The following KIAA1210 variants were observed in gnomAD, a reference collection of about 807,000 sequenced individuals.
KIAA1210 encodes KIAA1210, also known as acrosomal protein KIAA1210.
In KIAA1210, 48 loss-of-function variants were observed where a neutral mutation model predicts 78.9. The ratio of observed to expected loss-of-function variants is 0.61; its 90% CI spans 0.48 to 0.77. The LOEUF is 0.77. Among genes scored for constraint, KIAA1210 ranks in the 30% least tolerant of loss-of-function variants. The pLI, the probability that KIAA1210 is intolerant of heterozygous loss-of-function variation, is 0.00. For missense variants in KIAA1210, 1,108 were observed against 1,100.0 expected (o/e 1.01, Z -0.10); for synonymous variants, 406 against 404.5 (o/e 1.00, Z -0.04).
intron 1 of KIAA1210, among the ~76,000 whole-genome samples, chrX:119,123,939 G>T (rs992832650): frequency 1.8e-5 from 2 of 111,723 alleles, no homozygotes; most frequent in Non-Finnish European, 3.8e-5. Context: ...GTTTTGGTGG[G>T]GGGGGCGTTG....
intron 2 of KIAA1210, among the ~76,000 whole-genome samples, chrX:119,144,869 A>G (rs1447217630): frequency 8.9e-6 from 1 of 112,047 alleles, no homozygotes; most frequent in African/African-American, 3.2e-5. Context: ...GGCCTAGATG[A>G]CATACTCAAG....
chrX:119,127,087 A>T (rs753832575), intron 1 of KIAA1210, among the ~76,000 whole-genome samples: 212 of 109,397 alleles, frequency 1.9e-3, no homozygotes, highest in African/African-American at 6.9e-3. Context: ...AAAAAAAAAA[A>T]ATATTCAAAA....
chrX:119,119,461 G>A (rs982937829), intron 2 of KIAA1210, among the ~76,000 whole-genome samples: 1 of 112,213 alleles, frequency 8.9e-6, no homozygotes, highest in Non-Finnish European at 1.9e-5. Context: ...AAGAGAGAAA[G>A]AATAAAAAAT....
At chrX:119,083,796 T>G (rs763211228) in intron 10 of KIAA1210, among the ~76,000 whole-genome samples, 4 of 109,793 alleles carry the variant, frequency 3.6e-5, no homozygotes, top group Non-Finnish European at 7.6e-5. Flanking sequence ...AAGACCAGCC[T>G]GGGCAACACA....
chrX:119,128,656 C>CT (rs1209873620), upstream of KIAA1210, among the ~76,000 whole-genome samples: 10 of 111,103 alleles, frequency 9.0e-5, no homozygotes, highest in Admixed American at 2.9e-4. Context: ...TCCCATTATT[C>CT]TTTTTTTATT....
intron 10 of KIAA1210, 109 bp downstream of exon 10, chrX:119,085,274 T>C: frequency 2.8e-6 from 2 of 712,066 alleles, no homozygotes; most frequent in Non-Finnish European, 2.1e-6. Flanking sequence ...CCTTGATTAA[T>C]GTTCCCAAAG....
chrX:119,093,372 C>T lies in KIAA1210; in HGVS notation c.955+295G>A, dbSNP rs757533825. Reference sequence around the variant, plus strand: ...AGGAACTCAGCATGTACGTTAGCCTCGGAGAGGATGAAACAAATTCACAAA... The same window carrying T: ...AGGAACTCAGCATGTACGTTAGCCTTGGAGAGGATGAAACAAATTCACAAA... On this transcript the variant is annotated intron_variant, in intron 8 of 11. Coordinates refer to ENST00000691062, the MANE Select transcript of KIAA1210 (RefSeq NM_001394962.1). Among the ~76,000 whole-genome samples the T allele has an allele frequency of 5.3e-5, 6 of 112,288 alleles. No individual in the cohort carries two copies. The Admixed American group carries it at 5.7e-4, about 11-fold the overall frequency.
intron 2 of KIAA1210, among the ~76,000 whole-genome samples, chrX:119,117,905 G>C (rs765740524): frequency 1.8e-5 from 2 of 111,312 alleles, no homozygotes; most frequent in Admixed American, 1.9e-4. Flanking sequence ...GAGCCACCAC[G>C]CCGGGCCTCT....
chrX:119,150,528 G>A (rs1168466941), exon 1 of KIAA1210: 4 of 1,210,550 alleles, frequency 3.3e-6, no homozygotes, highest in Non-Finnish European at 4.5e-6. Context: ...CGGCCAGGAA[G>A]GAGAGAAGCG....
chrX:119,118,901 C>T (rs1255228657), intron 2 of KIAA1210, among the ~76,000 whole-genome samples: 1 of 112,317 alleles, frequency 8.9e-6, no homozygotes, highest in Non-Finnish European at 1.9e-5. Context: ...AGCTACCGCC[C>T]CTACATCAAG....
chrX:119,093,720 C>T lies in KIAA1210; in HGVS notation c.902G>A (p.Ser301Asn). The change falls in exon 8 of 12, where the codon AGC becomes AAC. Residue 301 changes from serine (S) to asparagine (N), a missense_variant. Ser to Asn is a conservative substitution (Grantham distance 46). Around this residue, in one of 5 missense-constraint regions of KIAA1210, gnomAD observed 672 missense variants for 607.1 expected, o/e 1.11. Transcript: ENST00000691062. ...GTTGATTTCTTTTGGTTTGGTTATG[C>T]TCTTTTCTTCTTCAGAAACCAATGG... ...NLPLVSEEEKSITKPKEINEK... is the reference protein window; with the variant it reads ...NLPLVSEEEKNITKPKEINEK... The T allele has an allele frequency of 6.6e-6, 8 of 1,210,317 alleles. No individual in the cohort carries two copies. Among genetic ancestry groups the T allele is most frequent in the Non-Finnish European group, 8.9e-6 (8 of 894,804 alleles).
intron 2 of KIAA1210, among the ~76,000 whole-genome samples, chrX:119,121,625 C>A (rs1928460170): frequency 8.9e-6 from 1 of 112,201 alleles, no homozygotes; most frequent in South Asian, 3.7e-4. Context: ...ATGGTTGCCT[C>A]TAAGTTGTAT....
intron 3 of KIAA1210, among the ~76,000 whole-genome samples, chrX:119,114,175 T>C (rs141111846): frequency 2.1e-4 from 24 of 111,952 alleles, no homozygotes; most frequent in African/African-American, 7.5e-4. Context: ...CCTGTCATTA[T>C]GAGCCTGTGG....
At chrX:119,141,658 C>A (rs1929052929) in intron 2 of KIAA1210, among the ~76,000 whole-genome samples, 1 of 112,055 alleles carries the variant, frequency 8.9e-6, no homozygotes, top group Non-Finnish European at 1.9e-5. Context: ...TTAATTTTTT[C>A]CCCTGGGGCC....
At position 119,136,910 on chromosome X, in the gene KIAA1210, C is replaced by T. The variant is rs760571185; in HGVS notation, c.410+10563G>A. Among the ~76,000 whole-genome samples, 3 of 111,122 alleles carry T rather than the reference C, an allele frequency of 2.7e-5. No homozygotes were observed. In the Admixed American group the frequency reaches 2.9e-4, roughly 11 times the overall value. On this transcript the variant is annotated intron_variant, in intron 2 of 13. Coordinates refer to the KIAA1210 transcript ENST00000402510. ...CCCAAATCTTTCCTTTTACCCCAGC[C>T]ATGGCATCACCCTCTCTTTCTACCT...
At chrX:119,108,196 T>G in intron 5 of KIAA1210, 141 bp downstream of exon 5, 1 of 522,331 alleles carries the variant, frequency 1.9e-6, no homozygotes, top group Non-Finnish European at 3.2e-6. Context: ...ATACCCACTG[T>G]AGATGAGGAA....
rs919515397 is a variant in KIAA1210 at position 119,135,277 on chromosome X, T to A, written c.411-11625A>T. 3.6e-5 allele frequency among the ~76,000 whole-genome samples: 4 copies of A among 112,244 alleles called. No individual in the cohort carries two copies. In the East Asian group the frequency reaches 1.1e-3, roughly 31 times the overall value. ...GAATCTTCCTTACTGGTCTATTACA[T>A]GACCCGAAAATAGAATAGTTCACCA... On this transcript the variant is annotated intron_variant, in intron 2 of 13. Coordinates refer to the KIAA1210 transcript ENST00000402510.
chrX:119,081,553 T>C (rs764925550), intron 11 of KIAA1210, 49 bp from the exon 12 acceptor site: 2 of 1,096,117 alleles, frequency 1.8e-6, no homozygotes, highest in Middle Eastern at 2.7e-4. Flanking sequence ...CCCAGCGATA[T>C]TGGGGTATGT....
At chrX:119,116,459 C>T (rs746058362) in intron 3 of KIAA1210, 37 bp downstream of exon 3, 16 of 1,192,999 alleles carry the variant, frequency 1.3e-5, no homozygotes, top group Middle Eastern at 5.9e-4. Flanking sequence ...CTGCCTCTTC[C>T]CCTGTCCCCA....
Sources: gnomAD v4.1 joint callset for allele counts (sites outside exome capture counted in the v4.1 genomes callset) on GRCh38, gnomAD v4.1.1 for gene constraint, gnomAD v4.1.1 regional missense constraint, MANE v1.5 for transcripts, NCBI Gene and HGNC (gene_info 2026-07-23, HGNC 2026-07-21) for gene names.